Variants in UBE2E3 observed in about 807,000 individuals in gnomAD.
UBE2E3 encodes ubiquitin-conjugating enzyme E2 E3.
A neutral mutation model predicts 23.6 loss-of-function variants in UBE2E3; 5 were observed. The ratio of observed to expected loss-of-function variants is 0.21; its 90% CI spans 0.11 to 0.44. The LOEUF is 0.44. Among genes scored for constraint, UBE2E3 ranks in the 20% least tolerant of loss-of-function variants. The pLI, the probability that UBE2E3 is intolerant of heterozygous loss-of-function variation, is 0.99. For missense variants in UBE2E3, 81 were observed against 249.8 expected, an observed-to-expected ratio of 0.32 and a Z score of 4.55; for synonymous variants, 78 against 87.5, an observed-to-expected ratio of 0.89 and a Z score of 0.60.
At chr2:180,995,671 T>G (rs1171484429) in intron 3 of UBE2E3, among the ~76,000 whole-genome samples, 1 of 152,118 alleles carries the variant, frequency 6.6e-6, no homozygotes, top group African/African-American at 2.4e-5. Context: ...TTTAATATCT[T>G]TCTTCATCCT....
chr2:181,059,918 G>A (rs1687094999), intron 4 of UBE2E3, among the ~76,000 whole-genome samples: 1 of 150,640 alleles, frequency 6.6e-6, no homozygotes, highest in Admixed American at 6.6e-5. Context: ...TTTTTTTCTC[G>A]GCAACTCCAA....
rs1559109347 is a variant in UBE2E3, at chr2:180,982,246, A to G, written c.194+10A>G. 3.1e-6 allele frequency: 5 copies of G among 1,610,018 alleles called. 1 individual carries two copies. In the South Asian group the frequency reaches 4.4e-5, roughly 14 times the overall value. On this transcript the variant is annotated intron_variant, in intron 2 of 5. Transcript: ENST00000410062. ...CCACTAGTGCTAAAAGGTAATGTGT[A>G]AAAGAAGGATCCAGCACACTTTGTC...
At chr2:181,005,151 A>C (rs1473876497) in intron 3 of UBE2E3, among the ~76,000 whole-genome samples, 2 of 152,196 alleles carry the variant, frequency 1.3e-5, no homozygotes, top group Non-Finnish European at 2.9e-5. Context: ...TAGATTTGGC[A>C]TTTGGCATGC....
chr2:181,027,829 G>T (rs564384676), intron 3 of UBE2E3, among the ~76,000 whole-genome samples: 2 of 151,992 alleles, frequency 1.3e-5, no homozygotes, highest in East Asian at 3.9e-4. Flanking sequence ...ACAGAAAAAA[G>T]TAAATTCTTT....
At chr2:181,029,521 A>T (rs1686004243) in intron 3 of UBE2E3, among the ~76,000 whole-genome samples, 1 of 152,006 alleles carries the variant, frequency 6.6e-6, no homozygotes, top group South Asian at 2.1e-4. Flanking sequence ...ATTTATTTCT[A>T]GGAGTTTAAT....
At chr2:181,039,087 G>A in intron 3 of UBE2E3, among the ~76,000 whole-genome samples, 1 of 125,746 alleles carries the variant, frequency 8.0e-6, no homozygotes, top group African/African-American at 3.0e-5. Context: ...AAAATGGTAT[G>A]TTTAAGTCCT....
At chr2:181,004,931 G>T (rs1394152926) in intron 3 of UBE2E3, among the ~76,000 whole-genome samples, 7 of 152,156 alleles carry the variant, frequency 4.6e-5, no homozygotes, top group Non-Finnish European at 1.0e-4. Flanking sequence ...ATTTTGGAAG[G>T]ATTTTAAGTA....
chr2:180,992,028 C>A (rs774647112), intron 3 of UBE2E3, among the ~76,000 whole-genome samples: 1 of 152,158 alleles, frequency 6.6e-6, no homozygotes, highest in African/African-American at 2.4e-5. Context: ...ACTGAAATTA[C>A]TTACTACTCA....
intron 3 of UBE2E3, among the ~76,000 whole-genome samples, chr2:181,049,077 G>T (rs975840707): frequency 3.3e-5 from 5 of 152,074 alleles, no homozygotes; most frequent in African/African-American, 1.2e-4. Context: ...GGAGATTTCA[G>T]CTGAGGGAGT....
In UBE2E3 at chr2:180,994,818, G is replaced by C. The variant is rs150801956; in HGVS notation, c.245+10725G>C. Among the ~76,000 whole-genome samples, 6 of 152,208 alleles carry C rather than the reference G, an allele frequency of 3.9e-5. No individual in the cohort carries two copies. The East Asian group carries it at 5.8e-4, about 15-fold the overall frequency. ...ACAAAATATATGTGGATACTAGTCT[G>C]TTTTATCATTTACTGCTATGAGATA... is the stretch of plus-strand genomic sequence containing the variant. On this transcript the variant is annotated intron_variant, in intron 3 of 5. Transcript: ENST00000410062.
chr2:181,023,411 CA>C (rs1205533326), intron 3 of UBE2E3, among the ~76,000 whole-genome samples: 3 of 152,196 alleles, frequency 2.0e-5, no homozygotes, highest in South Asian at 4.1e-4. Context: ...TATATTGCCA[CA>C]AAAACTCCAT....
chr2:181,034,134 C>T (rs1686182840), intron 3 of UBE2E3, among the ~76,000 whole-genome samples: 1 of 152,186 alleles, frequency 6.6e-6, no homozygotes. Flanking sequence ...TCTCAAGGAT[C>T]TTGAACTAGA....
intron 3 of UBE2E3, among the ~76,000 whole-genome samples, chr2:181,012,351 A>G (rs1685355810): frequency 3.3e-5 from 5 of 151,632 alleles, no homozygotes; most frequent in Non-Finnish European, 7.4e-5. Context: ...TTGTCATTTG[A>G]ATCAGTGCTG....
intron 3 of UBE2E3, chr2:180,990,021 A>ATT: frequency 1.3e-6 from 2 of 1,485,118 alleles, no homozygotes; most frequent in Middle Eastern, 2.2e-4. Flanking sequence ...ATAGAAAGTG[A>ATT]TTTTTTTTTC....
intron 3 of UBE2E3, among the ~76,000 whole-genome samples, chr2:181,021,562 T>TCCTTCCTTCCTCCCTCCCTC (rs1685683425): frequency 2.0e-4 from 7 of 35,346 alleles, no homozygotes; most frequent in Admixed American, 3.3e-4. Flanking sequence ...CTCCCTTCCT[T>TCCTTCCTTCCTCCCTCCCTC]CCTTCCTTCC....
chr2:181,057,879 G>A (rs1687030319), intron 4 of UBE2E3, 54 bp downstream of exon 4: 3 of 1,566,486 alleles, frequency 1.9e-6, no homozygotes, highest in African/African-American at 1.4e-5. Flanking sequence ...TCTAAAATCG[G>A]TTATTCTAGA....
chr2:180,985,085 GT>G (rs1441991438), intron 3 of UBE2E3, among the ~76,000 whole-genome samples: 4 of 152,188 alleles, frequency 2.6e-5, no homozygotes, highest in African/African-American at 9.6e-5. Flanking sequence ...ATATAATAGG[GT>G]ATAATCCAGT....
intron 3 of UBE2E3, among the ~76,000 whole-genome samples, chr2:181,001,854 G>T (rs1684999642): frequency 6.6e-6 from 1 of 151,902 alleles, no homozygotes; most frequent in African/African-American, 2.4e-5. Flanking sequence ...ATGGATGAGG[G>T]GATTTTAAAT....
chr2:181,039,633 A>G lies in UBE2E3; in HGVS notation c.246-18060A>G, dbSNP rs139403975. Among the ~76,000 whole-genome samples the G allele has an allele frequency of 6.3e-3, 906 of 144,876 alleles. 8 individuals are homozygous for G. Among genetic ancestry groups the G allele is most frequent in the Non-Finnish European group, 0.01 (654 of 63,280 alleles). On this transcript the variant is annotated intron_variant, in intron 3 of 5. Transcript: ENST00000410062. ...CAAAAAAACAAGTGTACAAATGCTA[A>G]TTTTGGCTATGATAAAATTTCTAAT...
Sources: gnomAD v4.1 joint callset for allele counts (sites outside exome capture counted in the v4.1 genomes callset) on GRCh38, gnomAD v4.1.1 for gene constraint, MANE v1.5 for transcripts, NCBI Gene and HGNC (gene_info 2026-07-23, HGNC 2026-07-21) for gene names.